Variants in GALNTL6 observed in about 807,000 individuals in gnomAD.
GALNTL6 encodes the protein polypeptide N-acetylgalactosaminyltransferase-like 6.
A neutral mutation model predicts 73.7 loss-of-function variants in GALNTL6; 46 were observed. The ratio of observed to expected loss-of-function variants is 0.62; its 90% CI spans 0.49 to 0.80. The LOEUF is 0.80. GALNTL6 is among the 30% of genes least tolerant of loss of function. The pLI, the probability that GALNTL6 is intolerant of heterozygous loss-of-function variation, is 0.00. For missense variants in GALNTL6, 604 were observed against 755.0 expected, an observed-to-expected ratio of 0.80 and a Z score of 2.34; for synonymous variants, 259 against 263.7, an observed-to-expected ratio of 0.98 and a Z score of 0.17.
chr4:172,385,632 T>C (rs1285728471), intron 5 of GALNTL6, among the ~76,000 whole-genome samples: 2 of 152,072 alleles, frequency 1.3e-5, no homozygotes, highest in African/African-American at 2.4e-5. Flanking sequence ...ATTTTTGTCT[T>C]TTTACTGTCA....
chr4:172,595,302 C>A (rs1427456994), intron 5 of GALNTL6, among the ~76,000 whole-genome samples: 1 of 152,046 alleles, frequency 6.6e-6, no homozygotes. Context: ...GTTAGAAATA[C>A]CTATTTTAAT....
chr4:172,484,590 A>T (rs1733607055), intron 5 of GALNTL6, among the ~76,000 whole-genome samples: 1 of 152,124 alleles, frequency 6.6e-6, no homozygotes, highest in Non-Finnish European at 1.5e-5. Flanking sequence ...TGAGAAGGTG[A>T]CTCAGCATTG....
chr4:172,788,596 C>T (rs934944334), intron 5 of GALNTL6, among the ~76,000 whole-genome samples: 9 of 143,908 alleles, frequency 6.3e-5, no homozygotes, highest in East Asian at 4.4e-4. Context: ...GCCGTGAAAC[C>T]GGGAGGCGGA....
intron 7 of GALNTL6, among the ~76,000 whole-genome samples, chr4:172,865,630 C>T (rs1409938263): frequency 1.3e-5 from 2 of 152,082 alleles, no homozygotes; most frequent in East Asian, 3.8e-4. Flanking sequence ...ACACATAAAT[C>T]ACTGTTTAAT....
At chr4:172,950,341 A>G (rs1749382889) in intron 9 of GALNTL6, among the ~76,000 whole-genome samples, 1 of 152,226 alleles carries the variant, frequency 6.6e-6, no homozygotes, top group Non-Finnish European at 1.5e-5. Context: ...CACAGTCTCA[A>G]GGTCATTAGC....
At chr4:171,872,266 C>T (rs542369502) in intron 2 of GALNTL6, among the ~76,000 whole-genome samples, 1 of 152,064 alleles carries the variant, frequency 6.6e-6, no homozygotes, top group Admixed American at 6.6e-5. Context: ...TGAACTATGG[C>T]CTAAGCCAGG....
chr4:172,913,525 A>G (rs553045287), intron 8 of GALNTL6, among the ~76,000 whole-genome samples: 27 of 152,320 alleles, frequency 1.8e-4, no homozygotes, highest in Admixed American at 9.1e-4. Flanking sequence ...AACTAGAATA[A>G]ACAGCATAGA....
chr4:172,421,559 T>A (rs1184082632), intron 5 of GALNTL6, among the ~76,000 whole-genome samples: 1 of 151,834 alleles, frequency 6.6e-6, no homozygotes, highest in Non-Finnish European at 1.5e-5. Context: ...GATATAAATA[T>A]ATAGCAAATA....
chr4:171,950,717 A>G (rs1738853117), intron 2 of GALNTL6, among the ~76,000 whole-genome samples: 1 of 151,998 alleles, frequency 6.6e-6, no homozygotes, highest in Admixed American at 6.6e-5. Flanking sequence ...TGACCTTGTG[A>G]TCCGCCCGCC....
intron 7 of GALNTL6, among the ~76,000 whole-genome samples, chr4:172,826,409 G>A (rs1038450458): frequency 1.7e-4 from 26 of 152,312 alleles, no homozygotes; most frequent in African/African-American, 5.5e-4. Flanking sequence ...CACACACGAT[G>A]CAGGTGGACA....
rs111387461 is a variant in GALNTL6 at position 172,544,022 on chromosome 4, T to C, written c.553+195333T>C. Reference sequence around the variant, plus strand: ...ATGCAAAAATAGAGAAGTAAAGACATGCCCGAGAGGTGGAGCCAGGAGTTC... The same window carrying C: ...ATGCAAAAATAGAGAAGTAAAGACACGCCCGAGAGGTGGAGCCAGGAGTTC... On this transcript the variant is annotated intron_variant, in intron 5 of 12. Transcript: ENST00000506823. 8.3e-3 allele frequency among the ~76,000 whole-genome samples: 1,260 copies of C among 152,312 alleles called. 18 individuals carry two copies. The highest frequency in any genetic ancestry group is 0.027 in the African/African-American group (1,136 of 41,560).
intron 5 of GALNTL6, among the ~76,000 whole-genome samples, chr4:172,800,119 G>A (rs543257899): frequency 6.6e-6 from 1 of 152,218 alleles, no homozygotes; most frequent in East Asian, 1.9e-4. Flanking sequence ...GGGGGGGAGA[G>A]AGAAATGGGG....
intron 2 of GALNTL6, among the ~76,000 whole-genome samples, chr4:172,195,121 A>G (rs749990881): frequency 6.6e-6 from 1 of 152,178 alleles, no homozygotes; most frequent in Non-Finnish European, 1.5e-5. Flanking sequence ...AGCAAATGGA[A>G]AGCCAAAAAA....
intron 2 of GALNTL6, among the ~76,000 whole-genome samples, chr4:171,866,935 C>G (rs1341068565): frequency 2.6e-5 from 4 of 152,090 alleles, no homozygotes; most frequent in African/African-American, 7.2e-5. Context: ...CACATTCAGT[C>G]CATTGTATAA....
intron 2 of GALNTL6, among the ~76,000 whole-genome samples, chr4:171,863,414 C>A (rs894171476): frequency 6.6e-6 from 1 of 152,102 alleles, no homozygotes; most frequent in South Asian, 2.1e-4. Context: ...AATAGAATTT[C>A]TGAAAGAAGC....
Position 172,346,304 on chromosome 4 carries a change from T to C in GALNTL6, c.387-2219T>C, listed in dbSNP as rs1160055884. On this transcript the variant is annotated intron_variant, in intron 4 of 12. Coordinates refer to ENST00000506823, the MANE Select transcript of GALNTL6 (RefSeq NM_001034845.3). Reference sequence around the variant, plus strand: ...GTTTTGACGTCTCAACAGTACATGGTCAAAATTGAATTCATTATCGTTGCT... The same window carrying C: ...GTTTTGACGTCTCAACAGTACATGGCCAAAATTGAATTCATTATCGTTGCT... Among the ~76,000 whole-genome samples, 3 of 152,246 alleles carry C rather than the reference T, an allele frequency of 2.0e-5. No homozygotes were observed. In the East Asian group the frequency reaches 5.8e-4, roughly 29 times the overall value.
intron 3 of GALNTL6, among the ~76,000 whole-genome samples, chr4:172,241,251 T>G (rs1435050327): frequency 6.6e-6 from 1 of 152,210 alleles, no homozygotes; most frequent in Non-Finnish European, 1.5e-5. Context: ...CTTAGTTCCC[T>G]TCATTTACTT....
At chr4:172,972,524 G>A (rs1750628786) in intron 10 of GALNTL6, among the ~76,000 whole-genome samples, 1 of 152,162 alleles carries the variant, frequency 6.6e-6, no homozygotes, top group Admixed American at 6.5e-5. Flanking sequence ...TTTGTCCACT[G>A]AAAAAGTCTA....
intron 5 of GALNTL6, among the ~76,000 whole-genome samples, chr4:172,383,015 C>T (rs1464367270): frequency 6.6e-6 from 1 of 152,118 alleles, no homozygotes; most frequent in Non-Finnish European, 1.5e-5. Context: ...ATGTAGTACA[C>T]ACTGTATTAT....
Sources: allele counts gnomAD v4.1 joint callset (sites outside exome capture counted in the v4.1 genomes callset), GRCh38; gene constraint gnomAD v4.1.1; transcripts MANE v1.5; gene names NCBI Gene and HGNC (gene_info 2026-07-23, HGNC 2026-07-21).